Variants in MAMLD1 observed in about 807,000 individuals in gnomAD.
The protein encoded by MAMLD1 is mastermind-like domain-containing protein 1.
In MAMLD1, 14 loss-of-function variants were observed where a neutral mutation model predicts 45.0. The observed-to-expected ratio is 0.31, with a 90% confidence interval of 0.21 to 0.49. MAMLD1 has a LOEUF of 0.49. Among genes scored for constraint, MAMLD1 ranks in the 20% least tolerant of loss-of-function variants. MAMLD1 has a pLI of 0.99. For missense variants in MAMLD1, 543 were observed against 603.6 expected (o/e 0.90, Z 1.05); for synonymous variants, 254 against 247.8 (o/e 1.02, Z -0.24).
intron 2 of MAMLD1, among the ~76,000 whole-genome samples, chrX:150,454,003 C>G (rs907993154): frequency 1.8e-5 from 2 of 112,565 alleles, no homozygotes; most frequent in Non-Finnish European, 3.8e-5. Flanking sequence ...CCCCACTTCT[C>G]TCCCTGGCCT....
At chrX:150,429,493 GC>G (rs2034842163) in intron 1 of MAMLD1, among the ~76,000 whole-genome samples, 1 of 110,583 alleles carries the variant, frequency 9.0e-6, no homozygotes, top group African/African-American at 3.3e-5. Flanking sequence ...CAGTAAAGAG[GC>G]CCCCCTGTAC....
chrX:150,384,436 C>A (rs2032816690), intron 1 of MAMLD1, among the ~76,000 whole-genome samples: 1 of 111,461 alleles, frequency 9.0e-6, no homozygotes, highest in African/African-American at 3.3e-5. Flanking sequence ...TTATGCAGAG[C>A]CTTTGCCCAT....
At chrX:150,505,055 T>C in intron 6 of MAMLD1, 1 of 753,991 alleles carries the variant, frequency 1.3e-6, no homozygotes, top group African/African-American at 2.3e-5. Context: ...AGAATAGAGT[T>C]TGCAGCAGTC....
Position 150,470,544 on chromosome X carries a change from C to T in MAMLD1, c.971C>T (p.Pro324Leu). The change falls in exon 4 of 8, where the codon CCC (proline) becomes CTC (leucine). Residue 324 changes from proline to leucine, a missense_variant. Pro to Leu is a moderately conservative substitution (Grantham distance 98). Coordinates refer to ENST00000370401, the MANE Select transcript of MAMLD1 (RefSeq NM_005491.5). ...GGGTCTGCTACAAAGCAGCAAGGGC[C>T]CACCCCCAGTTGGTCTGGTCTGCCT... is the stretch of plus-strand genomic sequence containing the variant. ...KQGSATKQQG[P>L]TPSWSGLPPP... 10 of 1,211,530 alleles carry T rather than the reference C, an allele frequency of 8.3e-6. No homozygotes were observed. Among genetic ancestry groups the T allele is most frequent in the Non-Finnish European group, 1.1e-5 (10 of 895,458 alleles).
intron 2 of MAMLD1, among the ~76,000 whole-genome samples, chrX:150,458,049 T>C (rs1557405430): frequency 9.0e-6 from 1 of 111,367 alleles, no homozygotes; most frequent in Non-Finnish European, 1.9e-5. Context: ...ATGCCAAGAC[T>C]CTCATGGCAT....
At chrX:150,394,477 A>G in intron 1 of MAMLD1, among the ~76,000 whole-genome samples, 1 of 110,966 alleles carries the variant, frequency 9.0e-6, no homozygotes, top group East Asian at 2.8e-4. Flanking sequence ...GGTGTCCACA[A>G]AAGAATGTGC....
intron 3 of MAMLD1, among the ~76,000 whole-genome samples, chrX:150,467,726 G>A (rs1453476272): frequency 8.9e-6 from 1 of 112,489 alleles, no homozygotes; most frequent in Non-Finnish European, 1.9e-5. Flanking sequence ...GCTGAGTGGT[G>A]GTGGAGGGGC....
intron 2 of MAMLD1, among the ~76,000 whole-genome samples, chrX:150,458,558 A>G (rs1417555658): frequency 2.7e-5 from 3 of 111,891 alleles, no homozygotes; most frequent in Non-Finnish European, 5.6e-5. Flanking sequence ...CAGTCCCAAA[A>G]CTAGAGACCC....
rs782683198 is a variant in MAMLD1, at chrX:150,473,550, A to G, written c.1918-130A>G. On this transcript the variant is annotated intron_variant, in intron 4 of 7. Coordinates refer to ENST00000370401, the MANE Select transcript of MAMLD1 (RefSeq NM_005491.5). Reference sequence around the variant, plus strand: ...TGGTCGTTTGATAGACCATGCGGCAAGCAGAGCTCCCATGGGGGTGGCCGG... The same window carrying G: ...TGGTCGTTTGATAGACCATGCGGCAGGCAGAGCTCCCATGGGGGTGGCCGG... 6.6e-6 allele frequency: 4 copies of G among 606,703 alleles called. No homozygotes were observed. In the African/African-American group the frequency reaches 8.8e-5, roughly 13 times the overall value. 50.0% of individuals were successfully genotyped at this position (606,703 alleles called of 1,213,427 possible).
At chrX:150,433,446 T>C (rs1458730381) in intron 1 of MAMLD1, among the ~76,000 whole-genome samples, 2 of 111,680 alleles carry the variant, frequency 1.8e-5, no homozygotes, top group Non-Finnish European at 3.8e-5. Context: ...CAATACTATG[T>C]TGAATAGAAG....
chrX:150,494,884 CA>C (rs1415632012), intron 5 of MAMLD1, among the ~76,000 whole-genome samples: 6 of 86,548 alleles, frequency 6.9e-5, no homozygotes, highest in African/African-American at 2.4e-4. Context: ...TACCCTGCCT[CA>C]ATACAAAACA....
At chrX:150,504,342 A>G in intron 6 of MAMLD1, 1 of 750,682 alleles carries the variant, frequency 1.3e-6, no homozygotes, top group Non-Finnish European at 1.6e-6. Flanking sequence ...TCTAAGTGAT[A>G]GTGATCAGAA....
At chrX:150,403,956 GAA>G (rs1329194718) in intron 1 of MAMLD1, among the ~76,000 whole-genome samples, 2 of 75,699 alleles carry the variant, frequency 2.6e-5, no homozygotes, top group Non-Finnish European at 5.1e-5. Context: ...AAGAAAGAAA[GAA>G]AGAAAGAAAG....
chrX:150,443,018 C>G (rs1273186114), intron 1 of MAMLD1, among the ~76,000 whole-genome samples: 1 of 111,609 alleles, frequency 9.0e-6, no homozygotes, highest in African/African-American at 3.2e-5. Flanking sequence ...AAAATTCACT[C>G]TCATTCAAGT....
At chrX:150,368,389 C>T (rs1295849751) in intron 1 of MAMLD1, among the ~76,000 whole-genome samples, 2 of 108,290 alleles carry the variant, frequency 1.8e-5, no homozygotes, top group African/African-American at 3.5e-5. Context: ...TATCCTTCGC[C>T]CAATTTTTGA....
In MAMLD1 at chrX:150,417,553, T is replaced by G. The variant is rs782020326; in HGVS notation, c.-63-27901T>G. 4.8e-3 allele frequency among the ~76,000 whole-genome samples: 528 copies of G among 110,335 alleles called. 2 individuals are homozygous for G. The highest frequency in any genetic ancestry group is 0.017 in the African/African-American group (507 of 29,899). The stretch of plus-strand genomic sequence containing the variant: ...AATGGGATGGCTGGGTCAAATGGTA[T>G]TTCCAGTTCTAGATCCCTGAGGAAT... On this transcript the variant is annotated intron_variant, in intron 1 of 7. Transcript: ENST00000370401.
Position 150,434,879 on chromosome X carries a change from T to C in MAMLD1, c.-63-10575T>C, listed in dbSNP as rs1323749012. 2.7e-5 allele frequency among the ~76,000 whole-genome samples: 3 copies of C among 111,678 alleles called. No homozygotes were observed. In the East Asian group the frequency reaches 8.5e-4, roughly 32 times the overall value. On this transcript the variant is annotated intron_variant, in intron 1 of 7. Coordinates refer to ENST00000370401, the MANE Select transcript of MAMLD1 (RefSeq NM_005491.5). ...GCCATTTGCAGATGAGAGGAATGTATATTATGTTGTTTTGGGGTGGAGAGT... is the reference window on the plus strand; with the variant it reads ...GCCATTTGCAGATGAGAGGAATGTACATTATGTTGTTTTGGGGTGGAGAGT...
At chrX:150,473,572 C>A in intron 4 of MAMLD1, 108 bp from the exon 5 acceptor site, 1 of 759,037 alleles carries the variant, frequency 1.3e-6, no homozygotes, top group Non-Finnish European at 2.0e-6. Context: ...ATGGGGGTGG[C>A]CGGGGGAGCG....
rs2036431104 is a variant in MAMLD1, at chrX:150,471,532, A to AGTAACAACT, written c.1917+45_1917+53dup. ...TCTGGCTGTGTTCTTTTGTTTTGGAAGTAACAACTGTGTTTCATGTTGCCA... is the reference window on the plus strand; with the variant it reads ...TCTGGCTGTGTTCTTTTGTTTTGGAAGTAACAACTGTAACAACTGTGTTTCATGTTGCCA... On this transcript the variant is annotated intron_variant, in intron 4 of 7. Transcript: ENST00000370401. The AGTAACAACT allele has an allele frequency of 6.6e-6, 8 of 1,211,524 alleles. 1 individual carries two copies. The highest frequency in any genetic ancestry group is 8.9e-6 in the Non-Finnish European group (8 of 895,013).
Sources: gnomAD v4.1 joint callset for allele counts (sites outside exome capture counted in the v4.1 genomes callset) on GRCh38, gnomAD v4.1.1 for gene constraint, MANE v1.5 for transcripts, NCBI Gene and HGNC (gene_info 2026-07-23, HGNC 2026-07-21) for gene names.